Variants in PIBF1 observed in about 807,000 individuals in gnomAD.
PIBF1 encodes the protein progesterone-induced-blocking factor 1.
In PIBF1, 90 loss-of-function variants were observed where a neutral mutation model predicts 112.5. That is an observed-to-expected ratio of 0.80 (90% CI 0.67 to 0.95). The LOEUF (loss-of-function observed/expected upper bound fraction) is 0.95. PIBF1 is among the 40% of genes least tolerant of loss of function. PIBF1 has a pLI of 0.00. For missense variants in PIBF1, 915 were observed against 852.3 expected, an observed-to-expected ratio of 1.07 and a Z score of -0.92; for synonymous variants, 301 against 288.6, an observed-to-expected ratio of 1.04 and a Z score of -0.44.
intron 16 of PIBF1, among the ~76,000 whole-genome samples, chr13:72,990,747 C>T (rs1157422664): frequency 6.6e-6 from 1 of 151,632 alleles, no homozygotes; most frequent in Non-Finnish European, 1.5e-5. Context: ...ACTCAGGAGA[C>T]TGAGGTAGGA....
intron 11 of PIBF1, among the ~76,000 whole-genome samples, chr13:72,904,009 T>C (rs962953303): frequency 1.3e-5 from 2 of 152,168 alleles, no homozygotes; most frequent in African/African-American, 2.4e-5. Context: ...TTTGATGCTA[T>C]AGAATTTTGT....
intron 16 of PIBF1, among the ~76,000 whole-genome samples, chr13:72,994,279 C>T (rs992490847): frequency 4.5e-4 from 69 of 151,828 alleles, no homozygotes; most frequent in Non-Finnish European, 3.5e-4. Flanking sequence ...GCAAACAACA[C>T]GATTAAGAAG....
chr13:72,810,609 A>G (rs959832906), intron 5 of PIBF1, among the ~76,000 whole-genome samples: 1 of 152,064 alleles, frequency 6.6e-6, no homozygotes, highest in Non-Finnish European at 1.5e-5. Flanking sequence ...TATTTTAGGG[A>G]GTGTTAACTG....
chr13:72,937,306 T>C (rs2041895973), intron 14 of PIBF1, among the ~76,000 whole-genome samples: 1 of 152,236 alleles, frequency 6.6e-6, no homozygotes, highest in African/African-American at 2.4e-5. Flanking sequence ...GCTTATTGGC[T>C]ATAACTTTGT....
chr13:72,792,830 A>G (rs1165121459), intron 3 of PIBF1, among the ~76,000 whole-genome samples: 1 of 152,202 alleles, frequency 6.6e-6, no homozygotes, highest in Non-Finnish European at 1.5e-5. Flanking sequence ...TTCTTCTTTT[A>G]CGCAACATAT....
At chr13:72,979,353 T>G (rs1342686428) in intron 16 of PIBF1, among the ~76,000 whole-genome samples, 2 of 152,218 alleles carry the variant, frequency 1.3e-5, no homozygotes, top group Admixed American at 1.3e-4. Flanking sequence ...AATTCTGCTT[T>G]TCTTTGTATA....
intron 16 of PIBF1, among the ~76,000 whole-genome samples, chr13:72,995,402 G>A (rs143396723): frequency 6.6e-6 from 1 of 151,736 alleles, no homozygotes; most frequent in African/African-American, 2.4e-5. Context: ...ATTCATTAAA[G>A]AGTAAAACAT....
chr13:72,990,335 C>A (rs1455494242), intron 16 of PIBF1, among the ~76,000 whole-genome samples: 1 of 150,182 alleles, frequency 6.7e-6, no homozygotes, highest in Non-Finnish European at 1.5e-5. Flanking sequence ...GCCTGGCCAA[C>A]ATGGTGAAAA....
At chr13:72,826,206 A>G (rs985674257) in intron 6 of PIBF1, among the ~76,000 whole-genome samples, 8 of 152,138 alleles carry the variant, frequency 5.3e-5, no homozygotes, top group Admixed American at 4.6e-4. Flanking sequence ...ACTGATAGTC[A>G]TCTTTACTTA....
chr13:72,982,691 T>C (rs897049071), intron 16 of PIBF1, among the ~76,000 whole-genome samples: 7 of 152,170 alleles, frequency 4.6e-5, no homozygotes, highest in African/African-American at 1.4e-4. Context: ...CTAATTGTTC[T>C]TTTCAATCTT....
chr13:72,834,384 G>A (rs1029712213), intron 8 of PIBF1, among the ~76,000 whole-genome samples: 10 of 152,088 alleles, frequency 6.6e-5, no homozygotes, highest in African/African-American at 2.2e-4. Context: ...CAGCATTTTG[G>A]GAGGCCAAGG....
chr13:73,001,924 A>G (rs2043882934), intron 17 of PIBF1, among the ~76,000 whole-genome samples: 1 of 151,906 alleles, frequency 6.6e-6, no homozygotes, highest in Admixed American at 6.6e-5. Context: ...ACCTGACAAG[A>G]CTTTTTTTAA....
At chr13:72,908,324 T>G (rs905536440) in intron 11 of PIBF1, among the ~76,000 whole-genome samples, 2 of 152,158 alleles carry the variant, frequency 1.3e-5, no homozygotes, top group African/African-American at 4.8e-5. Context: ...AAGGATAAGG[T>G]ACTTCATAAT....
At chr13:72,844,864 C>T (rs1485622823) in intron 9 of PIBF1, among the ~76,000 whole-genome samples, 9 of 146,412 alleles carry the variant, frequency 6.1e-5, no homozygotes, top group African/African-American at 2.3e-4. Context: ...TGATCCTCCC[C>T]GCCGACCTCA....
intron 9 of PIBF1, among the ~76,000 whole-genome samples, chr13:72,835,640 A>G (rs1352227495): frequency 1.3e-5 from 2 of 151,794 alleles, no homozygotes; most frequent in Non-Finnish European, 2.9e-5. Flanking sequence ...TTCAGTTCAG[A>G]TTGAGGACAG....
At chr13:72,928,018 T>TATATACATATATATATATAC (rs1594213811) in intron 13 of PIBF1, among the ~76,000 whole-genome samples, 1 of 61,088 alleles carries the variant, frequency 1.6e-5, no homozygotes, top group African/African-American at 7.0e-5. Context: ...TATATATACA[T>TATATACATATATATATATAC]ATATATACAT....
intron 5 of PIBF1, among the ~76,000 whole-genome samples, chr13:72,805,366 T>C (rs909588989): frequency 5.3e-5 from 8 of 152,138 alleles, no homozygotes; most frequent in Non-Finnish European, 2.9e-5. Context: ...ATGGTCTCGA[T>C]CTCCTGACCT....
chr13:72,861,277 G>A (rs907573727), intron 10 of PIBF1, among the ~76,000 whole-genome samples: 12 of 151,758 alleles, frequency 7.9e-5, no homozygotes, highest in African/African-American at 2.9e-4. Flanking sequence ...TACAAAAAAT[G>A]TAATAATTAT....
In PIBF1 at chr13:72,965,309, A is replaced by G. The variant is rs1013697036; in HGVS notation, c.1869A>G (p.Gln623=). ...DRANSLLNQT[Q]QPYRYLIESV... ...CCAATTCGCTATTAAACCAGACTCA[A>G]CAGCCTTACAGGTATCTCATTGAAT... Residue 623 remains glutamine, a synonymous_variant, in exon 15 of 18, where the codon CAA becomes CAG. Coordinates refer to ENST00000326291, the MANE Select transcript of PIBF1 (RefSeq NM_006346.4). The G allele has an allele frequency of 4.3e-6, 7 of 1,611,552 alleles. No homozygotes were observed. Among genetic ancestry groups the G allele is most frequent in the African/African-American group, 2.7e-5 (2 of 74,892 alleles).
Sources: allele counts gnomAD v4.1 joint callset (sites outside exome capture counted in the v4.1 genomes callset), GRCh38; gene constraint gnomAD v4.1.1; transcripts MANE v1.5; gene names NCBI Gene and HGNC (gene_info 2026-07-23, HGNC 2026-07-21).